Variants in COL24A1 observed in about 807,000 individuals in gnomAD.
The protein encoded by COL24A1 is collagen type XXIV alpha 1 chain.
COL24A1 carries 224 observed loss-of-function variants against 253.9 expected under a neutral mutation model. The ratio of observed to expected loss-of-function variants is 0.88; its 90% CI spans 0.79 to 0.99. The LOEUF (loss-of-function observed/expected upper bound fraction) is 0.99. Among genes scored for constraint, COL24A1 ranks in the 50% least tolerant of loss-of-function variants. The pLI is 0.00. For missense variants in COL24A1, 2,131 were observed against 2,068.5 expected, an observed-to-expected ratio of 1.03 and a Z score of -0.59; for synonymous variants, 685 against 673.7, an observed-to-expected ratio of 1.02 and a Z score of -0.26.
At chr1:85,969,690 G>C (rs965367975) in intron 22 of COL24A1, among the ~76,000 whole-genome samples, 1 of 142,298 alleles carries the variant, frequency 7.0e-6, no homozygotes, top group African/African-American at 2.6e-5. Context: ...TGTATTTCAT[G>C]TGAGTCTAAT....
At chr1:85,865,954 C>T (rs1202970630) in intron 37 of COL24A1, among the ~76,000 whole-genome samples, 1 of 152,164 alleles carries the variant, frequency 6.6e-6, no homozygotes, top group Non-Finnish European at 1.5e-5. Context: ...GTAAGCGAGG[C>T]TTAGAAAATA....
At chr1:85,816,579 T>C (rs564364307) in intron 47 of COL24A1, among the ~76,000 whole-genome samples, 1 of 152,334 alleles carries the variant, frequency 6.6e-6, no homozygotes, top group East Asian at 1.9e-4. Flanking sequence ...ATTAACACTA[T>C]GAGTTATTAG....
At chr1:85,959,829 A>G (rs631632) in intron 24 of COL24A1, among the ~76,000 whole-genome samples, 49,051 of 152,018 alleles carry the variant, frequency 0.32, 8,195 homozygotes, top group African/African-American at 0.4. Flanking sequence ...TATTACTTTA[A>G]GAAAATATGT....
At chr1:86,131,476 A>T (rs1317088522) in intron 2 of COL24A1, among the ~76,000 whole-genome samples, 2 of 151,324 alleles carry the variant, frequency 1.3e-5, no homozygotes, top group Non-Finnish European at 3.0e-5. Flanking sequence ...ACTCGTCATT[A>T]ACATTAGGTA....
intron 19 of COL24A1, among the ~76,000 whole-genome samples, chr1:85,994,411 G>GAAAAA (rs56146912): frequency 8.5e-5 from 12 of 141,600 alleles, no homozygotes; most frequent in Non-Finnish European, 1.1e-4. Flanking sequence ...AAGTTATCCT[G>GAAAAA]AAAAAAAAAA....
At chr1:85,983,610 A>G (rs1415658559) in intron 20 of COL24A1, among the ~76,000 whole-genome samples, 3 of 151,930 alleles carry the variant, frequency 2.0e-5, no homozygotes, top group African/African-American at 7.2e-5. Flanking sequence ...TAGCCTCAAC[A>G]GAGCTTTAGC....
At chr1:85,835,496 TC>T (rs1675902593) in intron 43 of COL24A1, among the ~76,000 whole-genome samples, 1 of 152,122 alleles carries the variant, frequency 6.6e-6, no homozygotes. Context: ...AACTAAGTAT[TC>T]GTTAATAATA....
Position 86,125,645 on chromosome 1 carries a change from ATGCTTCTGCAGAAGG to A in COL24A1, c.676_690del (p.Pro226_Ala230del). ...TTCACATATCTGCAGTAGTCTGCAG[ATGCTTCTGCAGAAGG>A]AATAATATCTAACTGACATACTATT... On this transcript the variant is annotated inframe_deletion, in exon 3 of 60. Transcript: ENST00000370571. The A allele has an allele frequency of 1.9e-6, 3 of 1,612,740 alleles. No individual in the cohort carries two copies. Among genetic ancestry groups the A allele is most frequent in the Non-Finnish European group, 2.5e-6 (3 of 1,179,140 alleles).
intron 19 of COL24A1, among the ~76,000 whole-genome samples, chr1:86,015,297 A>G (rs1696886817): frequency 6.6e-6 from 1 of 152,222 alleles, no homozygotes; most frequent in African/African-American, 2.4e-5. Context: ...ATACAGGTGA[A>G]GAGGAAGGAT....
At chr1:85,815,063 C>T (rs1195717191) in intron 47 of COL24A1, among the ~76,000 whole-genome samples, 2 of 152,144 alleles carry the variant, frequency 1.3e-5, no homozygotes, top group African/African-American at 4.8e-5. Flanking sequence ...CCATCCACCC[C>T]ACCTCCATGA....
rs562355405 is a variant in COL24A1, at chr1:86,104,154, T to C, written c.1599+8413A>G. ...GCCAGTCTTCAAGCTCTGAGATCTT[T>C]CTTCGGCTTGGTCTGTTTTAACACA... On this transcript the variant is annotated intron_variant, in intron 5 of 59. Transcript: ENST00000370571. Among the ~76,000 whole-genome samples the C allele has an allele frequency of 2.0e-5, 3 of 152,344 alleles. No homozygotes were observed. The South Asian group carries it at 6.2e-4, about 32-fold the overall frequency.
chr1:86,111,640 C>A (rs1705620296), intron 5 of COL24A1, among the ~76,000 whole-genome samples: 1 of 152,084 alleles, frequency 6.6e-6, no homozygotes, highest in Admixed American at 6.5e-5. Flanking sequence ...GGGTCCCCTT[C>A]CACACTGTGG....
intron 7 of COL24A1, among the ~76,000 whole-genome samples, chr1:86,075,428 G>C (rs1261672259): frequency 1.3e-5 from 2 of 152,012 alleles, no homozygotes; most frequent in African/African-American, 4.8e-5. Flanking sequence ...AAAAGCCCAG[G>C]ACCAGATGAA....
chr1:85,924,835 G>C (rs1482531976), intron 24 of COL24A1, among the ~76,000 whole-genome samples: 1 of 152,170 alleles, frequency 6.6e-6, no homozygotes, highest in East Asian at 1.9e-4. Flanking sequence ...AATCAGGCAA[G>C]AGAAAGAAAT....
intron 5 of COL24A1, among the ~76,000 whole-genome samples, chr1:86,102,577 T>C (rs1039605413): frequency 6.6e-6 from 1 of 152,222 alleles, no homozygotes; most frequent in Non-Finnish European, 1.5e-5. Flanking sequence ...CTGATATTCG[T>C]ATCTTTGTTC....
At chr1:85,796,134 G>C (rs940932078) in intron 47 of COL24A1, among the ~76,000 whole-genome samples, 2 of 152,120 alleles carry the variant, frequency 1.3e-5, no homozygotes, top group African/African-American at 4.8e-5. Context: ...TTTTAGTTTT[G>C]AATTTCTAAA....
chr1:86,012,458 A>G (rs1458301853), intron 19 of COL24A1, among the ~76,000 whole-genome samples: 1 of 152,066 alleles, frequency 6.6e-6, no homozygotes, highest in Non-Finnish European at 1.5e-5. Flanking sequence ...GTGTGGTGGC[A>G]TGCGCCTGTA....
chr1:85,801,688 C>T (rs1671449024), intron 47 of COL24A1, among the ~76,000 whole-genome samples: 1 of 152,208 alleles, frequency 6.6e-6, no homozygotes, highest in Admixed American at 6.5e-5. Context: ...TCCAATTGAG[C>T]ATTCCATCTG....
At chr1:85,769,000 A>ACG (rs1667674239) in intron 53 of COL24A1, among the ~76,000 whole-genome samples, 1 of 2,736 alleles carries the variant, frequency 3.7e-4, no homozygotes, top group Non-Finnish European at 5.2e-3. Context: ...CACAGAATTC[A>ACG]ATAAATTCAA....
Sources: allele counts gnomAD v4.1 joint callset (sites outside exome capture counted in the v4.1 genomes callset), GRCh38; gene constraint gnomAD v4.1.1; transcripts MANE v1.5; gene names NCBI Gene and HGNC (gene_info 2026-07-23, HGNC 2026-07-21).